ZNF565: variants seen among roughly 807,000 people sequenced by gnomAD.
ZNF565 encodes the protein zinc finger protein 565.
A neutral mutation model predicts 39.4 loss-of-function variants in ZNF565; 27 were observed. That is an observed-to-expected ratio of 0.69 (90% CI 0.51 to 0.95). The LOEUF is 0.95. Ranked by LOEUF, ZNF565 falls within the 40% of genes least tolerant of loss-of-function variation. The probability of loss-of-function intolerance (pLI) is 0.00; values close to 1 mark genes in which losing one functional copy is unlikely to be tolerated. For missense variants in ZNF565, 524 were observed against 621.1 expected, an observed-to-expected ratio of 0.84 and a Z score of 1.66; for synonymous variants, 185 against 216.6, an observed-to-expected ratio of 0.85 and a Z score of 1.28.
upstream of ZNF565, among the ~76,000 whole-genome samples, chr19:36,216,248 G>C (rs1599953690): frequency 6.6e-6 from 1 of 152,138 alleles, no homozygotes; most frequent in African/African-American, 2.4e-5. Flanking sequence ...TATTAGGAAA[G>C]AACTTTAAAA....
chr19:36,236,420 T>A, intron 1 of ZNF565: 1 of 1,567,134 alleles, frequency 6.4e-7, no homozygotes, highest in Non-Finnish European at 8.6e-7. Flanking sequence ...ACCTTGTGAA[T>A]GTGGGAAAGC....
chr19:36,214,625 C>A lies in ZNF565; in HGVS notation c.-69G>T, dbSNP rs1976514157. The A allele has an allele frequency of 1.3e-5, 2 of 152,802 alleles. No individual in the cohort carries two copies. Among genetic ancestry groups the A allele is most frequent in the African/African-American group, 4.8e-5 (2 of 41,456 alleles). The allele number at this position is 152,802 out of a possible 1,614,324, so 9.5% of individuals were successfully genotyped here. A position where few individuals can be genotyped will look rare whatever the true frequency, so the allele number is the denominator to read the frequency against. On this transcript the variant is annotated 5_prime_UTR_variant, in exon 1 of 5. Coordinates refer to ENST00000304116, the MANE Select transcript of ZNF565 (RefSeq NM_152477.5). ...CCAGGACTCCCAGACCCCTCACCTTCTGCCTCCCCTGGTCGCGTCCGGGTC... is the reference window on the plus strand; with the variant it reads ...CCAGGACTCCCAGACCCCTCACCTTATGCCTCCCCTGGTCGCGTCCGGGTC...
intron 1 of ZNF565, among the ~76,000 whole-genome samples, chr19:36,232,659 A>T (rs893525640): frequency 1.5e-4 from 21 of 141,354 alleles, no homozygotes; most frequent in Non-Finnish European, 2.9e-4. Flanking sequence ...CCCAGGCTGG[A>T]GTGCAGTGGT....
rs888665051 is a variant in ZNF565 at position 36,204,816 on chromosome 19, C to G, written c.-65-2766G>C. Among the ~76,000 whole-genome samples the G allele has an allele frequency of 8.7e-5, 13 of 148,814 alleles. 1 individual carries two copies. Among genetic ancestry groups the G allele is most frequent in the Admixed American group, 8.7e-4 (13 of 15,000 alleles). ...ACCAGCCTGGCCAACATGGTGAAAC[C>G]CTGTCTCTACTAAAAATACAAAAAT... On this transcript the variant is annotated intron_variant, in intron 1 of 4. Coordinates refer to ENST00000304116, the MANE Select transcript of ZNF565 (RefSeq NM_152477.5).
At chr19:36,231,894 C>T (rs994170729) in intron 1 of ZNF565, among the ~76,000 whole-genome samples, 4 of 146,280 alleles carry the variant, frequency 2.7e-5, no homozygotes, top group African/African-American at 5.2e-5. Context: ...GTTGAGACCC[C>T]GTATCTTTTT....
At chr19:36,218,179 T>TA (rs1260439289), upstream of ZNF565, 4 of 151,136 alleles carry the variant, frequency 2.6e-5, no homozygotes, top group Non-Finnish European at 5.9e-5. Context: ...TGCCACTTTT[T>TA]ACCTTGGGGA....
At chr19:36,196,800 G>GT (rs148238073) in intron 2 of ZNF565, among the ~76,000 whole-genome samples, 8,613 of 152,088 alleles carry the variant, frequency 0.057, 767 homozygotes, top group African/African-American at 0.19. Flanking sequence ...GGGCACGGTG[G>GT]TAATTCCAGC....
intron 1 of ZNF565, among the ~76,000 whole-genome samples, chr19:36,228,971 TTG>T (rs1167727504): frequency 1.2e-4 from 18 of 152,208 alleles, no homozygotes; most frequent in African/African-American, 3.4e-4. Context: ...GTCATCATTT[TTG>T]TGTGTTTCAT....
intron 2 of ZNF565, among the ~76,000 whole-genome samples, chr19:36,200,916 C>G (rs1443520843): frequency 6.6e-6 from 1 of 151,910 alleles, no homozygotes; most frequent in Non-Finnish European, 1.5e-5. Flanking sequence ...TCTCAAGTAG[C>G]TGCGATTATA....
intron 1 of ZNF565, among the ~76,000 whole-genome samples, chr19:36,225,687 C>T (rs1977033874): frequency 6.6e-6 from 1 of 151,502 alleles, no homozygotes; most frequent in Admixed American, 6.6e-5. Flanking sequence ...GTCTACCCAC[C>T]TCAGTGTCTC....
At chr19:36,232,233 A>G (rs1977413994) in intron 1 of ZNF565, among the ~76,000 whole-genome samples, 1 of 152,016 alleles carries the variant, frequency 6.6e-6, no homozygotes, top group South Asian at 2.1e-4. Flanking sequence ...ATGTGACTAC[A>G]AATATGAACA....
chr19:36,211,447 T>TCACACA (rs1307572252), intron 1 of ZNF565, among the ~76,000 whole-genome samples: 8 of 109,982 alleles, frequency 7.3e-5, no homozygotes, highest in Non-Finnish European at 9.3e-5. Flanking sequence ...TCCAACTCTC[T>TCACACA]CTCACACACA....
At chr19:36,197,065 AAAG>A (rs1340906300) in intron 2 of ZNF565, among the ~76,000 whole-genome samples, 2 of 151,322 alleles carry the variant, frequency 1.3e-5, no homozygotes, top group South Asian at 2.1e-4. Flanking sequence ...AAAAAAAAAA[AAAG>A]AAGTCCAGCC....
chr19:36,241,156 A>G (rs1977792413), intron 1 of ZNF565, among the ~76,000 whole-genome samples: 1 of 152,234 alleles, frequency 6.6e-6, no homozygotes, highest in Non-Finnish European at 1.5e-5. Flanking sequence ...TTCAACTAGA[A>G]TGCCAAACTT....
chr19:36,237,514 G>C, intron 1 of ZNF565: 1 of 539,158 alleles, frequency 1.9e-6, no homozygotes, highest in Non-Finnish European at 3.1e-6. Flanking sequence ...GTGTCCAACA[G>C]AGAAACCTGC....
rs758158163 is a variant in ZNF565 at position 36,237,341 on chromosome 19, A to G, written c.55+8135T>C. 3 of 1,564,168 alleles carry G rather than the reference A, an allele frequency of 1.9e-6. No individual in the cohort carries two copies. In the East Asian group the frequency reaches 6.8e-5, roughly 35 times the overall value. ...CTAAAAACCCCATGAAAGCCTTGAA[A>G]GTGGGAAAGCTTTCATTAGAAATTT... On this transcript the variant is annotated intron_variant, in intron 1 of 4. Transcript: ENST00000355114.
chr19:36,191,748 T>G (rs1308561333), intron 4 of ZNF565, among the ~76,000 whole-genome samples: 2 of 152,160 alleles, frequency 1.3e-5, no homozygotes, highest in African/African-American at 4.8e-5. Flanking sequence ...TCTTCCTTAT[T>G]GAAGAATTCC....
intron 2 of ZNF565, among the ~76,000 whole-genome samples, chr19:36,197,452 A>G (rs1167017287): frequency 6.6e-6 from 1 of 152,130 alleles, no homozygotes. Flanking sequence ...AGCCTGGGCG[A>G]CAGAGCAAGA....
At chr19:36,190,516 C>T (rs12979040) in intron 4 of ZNF565, among the ~76,000 whole-genome samples, 7,193 of 149,028 alleles carry the variant, frequency 0.048, 242 homozygotes, top group Non-Finnish European at 0.07. Flanking sequence ...GCGGAAGTTG[C>T]GATGAGCGGA....
Sources: gnomAD v4.1 joint callset for allele counts (sites outside exome capture counted in the v4.1 genomes callset) on GRCh38, gnomAD v4.1.1 for gene constraint, MANE v1.5 for transcripts, NCBI Gene and HGNC (gene_info 2026-07-23, HGNC 2026-07-21) for gene names.